COL19A1: variants seen among roughly 807,000 people sequenced by gnomAD.
The protein encoded by COL19A1 is collagen type XIX alpha 1 chain.
A neutral mutation model predicts 190.2 loss-of-function variants in COL19A1; 159 were observed. That is an observed-to-expected ratio of 0.84 (90% confidence interval 0.73 to 0.95). The LOEUF (loss-of-function observed/expected upper bound fraction) is 0.95, where lower values mean the gene tolerates loss of function less well. COL19A1 is among the 40% of genes least tolerant of loss of function. The probability of loss-of-function intolerance (pLI) is 0.00; values close to 1 mark genes in which losing one functional copy is unlikely to be tolerated. For missense variants in COL19A1, 1,418 were observed against 1,431.9 expected, an observed-to-expected ratio of 0.99 and a Z score of 0.16; for synonymous variants, 509 against 458.9, an observed-to-expected ratio of 1.11 and a Z score of -1.39.
At chr6:69,934,886 C>T (rs1421042065) in intron 7 of COL19A1, among the ~76,000 whole-genome samples, 2 of 151,870 alleles carry the variant, frequency 1.3e-5, no homozygotes, top group African/African-American at 2.4e-5. Context: ...ACTTCCAATA[C>T]GAATTGTATT....
Position 70,150,043 on chromosome 6 carries a change from C to G in COL19A1, c.2035C>G (p.Pro679Ala). 6.2e-7 allele frequency: 1 copy of G among 1,613,638 alleles called. No homozygotes were observed. Residue 679 changes from proline (P) to alanine (A), a missense_variant and splice_region_variant, in exon 30 of 51, where the codon CCG becomes GCG. By Grantham distance (27) the Pro-to-Ala change is conservative. Transcript: ENST00000620364. The part of the protein sequence containing the change: ...KPGLPGPPGD[P>A]IALPLLGDIG... ...AGGCCTGCCAGGCCCCCCAGGTGAC[C>G]CGGTATGTAGACAAACCTTGTCTGA...
chr6:70,122,036 C>T (rs1784914565), intron 17 of COL19A1, 94 bp downstream of exon 17: 1 of 730,794 alleles, frequency 1.4e-6, no homozygotes, highest in Non-Finnish European at 2.2e-6. Context: ...ACTTCTCAGA[C>T]TTTTATACAT....
At chr6:69,974,649 C>T (rs1390135195) in intron 11 of COL19A1, among the ~76,000 whole-genome samples, 1 of 152,014 alleles carries the variant, frequency 6.6e-6, no homozygotes, top group Non-Finnish European at 1.5e-5. Context: ...TTATAACAGA[C>T]AATTCTAAGT....
chr6:70,066,877 A>C (rs980054813), intron 14 of COL19A1, among the ~76,000 whole-genome samples: 1 of 152,122 alleles, frequency 6.6e-6, no homozygotes, highest in Non-Finnish European at 1.5e-5. Context: ...TAAGGCATTT[A>C]ATAGATGATG....
chr6:69,887,042 T>C (rs893591812), intron 2 of COL19A1, among the ~76,000 whole-genome samples: 4 of 152,226 alleles, frequency 2.6e-5, no homozygotes, highest in African/African-American at 7.2e-5. Context: ...AGAAAGACTT[T>C]AATAAATGTT....
intron 11 of COL19A1, among the ~76,000 whole-genome samples, chr6:70,018,655 G>A (rs967642688): frequency 6.6e-6 from 1 of 152,090 alleles, no homozygotes; most frequent in Non-Finnish European, 1.5e-5. Flanking sequence ...ATTTGAGAGG[G>A]AGCTCAGGAT....
chr6:70,159,129 T>C (rs1373239552), intron 34 of COL19A1, among the ~76,000 whole-genome samples: 1 of 148,874 alleles, frequency 6.7e-6, no homozygotes, highest in Non-Finnish European at 1.5e-5. Flanking sequence ...ACTGATTCAG[T>C]GTTGAGACTA....
intron 1 of COL19A1, among the ~76,000 whole-genome samples, chr6:69,876,113 G>A (rs1012100011): frequency 7.2e-5 from 11 of 152,032 alleles, no homozygotes; most frequent in Non-Finnish European, 1.3e-4. Flanking sequence ...GAAGAGAAAC[G>A]GATTCTTCTT....
chr6:70,099,349 T>C (rs1783485016), intron 15 of COL19A1, among the ~76,000 whole-genome samples: 1 of 152,196 alleles, frequency 6.6e-6, no homozygotes, highest in African/African-American at 2.4e-5. Flanking sequence ...TGGAAAATTC[T>C]ACACCTGACC....
intron 13 of COL19A1, 63 bp from the exon 14 acceptor site, chr6:70,035,841 A>G (rs946687594): frequency 1.1e-5 from 16 of 1,395,618 alleles, no homozygotes; most frequent in Non-Finnish European, 2.0e-6. Context: ...CCACCTAGAA[A>G]TTTATAAATA....
intron 15 of COL19A1, among the ~76,000 whole-genome samples, chr6:70,075,432 G>C (rs1204092982): frequency 3.0e-4 from 46 of 152,200 alleles, no homozygotes; most frequent in Admixed American, 3.0e-3. Context: ...AGGAAAAAGG[G>C]GGAAAGGCTA....
At chr6:70,206,008 A>G (rs1379010400) in intron 49 of COL19A1, among the ~76,000 whole-genome samples, 1 of 152,204 alleles carries the variant, frequency 6.6e-6, no homozygotes, top group African/African-American at 2.4e-5. Flanking sequence ...AGAAGATATA[A>G]TGTTTATAGT....
At chr6:69,921,134 CAT>C (rs1224421532) in intron 4 of COL19A1, among the ~76,000 whole-genome samples, 26 of 118,658 alleles carry the variant, frequency 2.2e-4, no homozygotes, top group African/African-American at 7.7e-4. Flanking sequence ...ATATGTATCA[CAT>C]ATATATCACA....
chr6:70,075,792 T>A (rs1198034105), intron 15 of COL19A1, among the ~76,000 whole-genome samples: 1 of 151,866 alleles, frequency 6.6e-6, no homozygotes, highest in Non-Finnish European at 1.5e-5. Flanking sequence ...AAAAAAAAAT[T>A]GTAAGCAATG....
chr6:70,132,856 C>T (rs2150225526), intron 18 of COL19A1, among the ~76,000 whole-genome samples: 1 of 152,306 alleles, frequency 6.6e-6, no homozygotes, highest in South Asian at 2.1e-4. Flanking sequence ...AAGGCCACTT[C>T]ATTTCTCTAA....
chr6:69,968,362 T>A (rs942851664), intron 11 of COL19A1, among the ~76,000 whole-genome samples: 1 of 152,206 alleles, frequency 6.6e-6, no homozygotes. Flanking sequence ...TTATGATATG[T>A]CTCATATAGT....
At chr6:70,069,581 G>A (rs1781433038) in intron 15 of COL19A1, among the ~76,000 whole-genome samples, 1 of 152,138 alleles carries the variant, frequency 6.6e-6, no homozygotes, top group African/African-American at 2.4e-5. Context: ...AGAGTAAAAT[G>A]AGGCAAGTAC....
intron 9 of COL19A1, among the ~76,000 whole-genome samples, chr6:69,953,713 T>A (rs565903722): frequency 6.6e-5 from 10 of 152,142 alleles, no homozygotes; most frequent in Admixed American, 5.2e-4. Context: ...ATGCCATGTA[T>A]CTGGCACCCA....
In COL19A1 at chr6:70,149,921, TCTA is replaced by T; in HGVS notation, c.1983+19_1983+21del. ...GGGAATGATGTAAGGACTTTCTTTATCTACCCTCCCCCATTTTAATCTGCACCT... is the reference window on the plus strand; with the variant it reads ...GGGAATGATGTAAGGACTTTCTTTATCCCTCCCCCATTTTAATCTGCACCT... On this transcript the variant is annotated intron_variant, in intron 29 of 50. Transcript: ENST00000620364. 1 of 1,613,796 alleles carries T rather than the reference TCTA, an allele frequency of 6.2e-7. No individual in the cohort carries two copies. Among genetic ancestry groups the T allele is most frequent in the Non-Finnish European group, 8.5e-7 (1 of 1,179,804 alleles).
Sources: gnomAD v4.1 joint callset for allele counts (sites outside exome capture counted in the v4.1 genomes callset) on GRCh38, gnomAD v4.1.1 for gene constraint, MANE v1.5 for transcripts, NCBI Gene and HGNC (gene_info 2026-07-23, HGNC 2026-07-21) for gene names.